The following KALRN variants were observed in gnomAD, a reference collection of about 807,000 sequenced individuals.
KALRN encodes the protein kalirin.
A neutral mutation model predicts 353.7 loss-of-function variants in KALRN; 70 were observed. The ratio of observed to expected loss-of-function variants is 0.20; its 90% CI spans 0.16 to 0.24. KALRN has a LOEUF of 0.24. KALRN is among the 10% of genes least tolerant of loss of function. The pLI is 1.00. For missense variants in KALRN, 2,791 were observed against 3,756.7 expected (o/e 0.74, Z 6.72); for synonymous variants, 1,391 against 1,434.8 (o/e 0.97, Z 0.69).
intron 3 of KALRN, among the ~76,000 whole-genome samples, chr3:124,253,069 G>A (rs1560367230): frequency 6.6e-6 from 1 of 152,334 alleles, no homozygotes; most frequent in Non-Finnish European, 1.5e-5. Flanking sequence ...AACACCTGCT[G>A]ATCTCTGGTG....
intron 45 of KALRN, 131 bp downstream of exon 45, chr3:124,662,059 C>G: frequency 1.4e-6 from 1 of 735,664 alleles, no homozygotes; most frequent in South Asian, 1.6e-5. Context: ...CCTTCCTACC[C>G]GGGCCCCTCT....
At chr3:124,368,243 A>G (rs1215456737) in intron 10 of KALRN, among the ~76,000 whole-genome samples, 1 of 116,922 alleles carries the variant, frequency 8.6e-6, no homozygotes, top group South Asian at 3.0e-4. Flanking sequence ...CGGGGGGCTG[A>G]CCCCCCCACC....
chr3:124,651,655 T>G (rs2083433686), intron 38 of KALRN, among the ~76,000 whole-genome samples: 2 of 118,870 alleles, frequency 1.7e-5, no homozygotes, highest in Non-Finnish European at 1.7e-5. Flanking sequence ...TTTTTTTTTT[T>G]GAGACAGGGT....
intron 57 of KALRN, among the ~76,000 whole-genome samples, chr3:124,704,530 T>C (rs566147197): frequency 4.1e-5 from 6 of 147,150 alleles, no homozygotes; most frequent in African/African-American, 1.6e-4. Flanking sequence ...AAATAATACA[T>C]GGAAATTCTT....
At chr3:124,484,724 G>T (rs749392757) in intron 28 of KALRN, among the ~76,000 whole-genome samples, 1 of 152,192 alleles carries the variant, frequency 6.6e-6, no homozygotes, top group Non-Finnish European at 1.5e-5. Context: ...GAATTTTGTG[G>T]TTGCTTACAG....
At chr3:124,320,705 G>A (rs2079242823) in intron 6 of KALRN, among the ~76,000 whole-genome samples, 1 of 152,184 alleles carries the variant, frequency 6.6e-6, no homozygotes, top group South Asian at 2.1e-4. Context: ...CTTAAGGTAT[G>A]GAAGGACATT....
Position 124,659,448 on chromosome 3 carries a change from G to C in KALRN, c.6207G>C (p.Leu2069Phe). The change falls in exon 43 of 60, where the codon TTG (leucine) becomes TTC (phenylalanine). Residue 2069 changes from leucine to phenylalanine, a missense_variant. Physicochemically the swap from Leu to Phe is conservative, Grantham distance 22. Around this residue, in one of 11 missense-constraint regions of KALRN, gnomAD observed 1,065 missense variants for 1,156.4 expected, o/e 0.92. Coordinates refer to ENST00000682506, the MANE Select transcript of KALRN (RefSeq NM_001388419.1). ...KPIQRITKYQLLLKDFLRYSE... is the reference protein window; with the variant it reads ...KPIQRITKYQFLLKDFLRYSE... ...TTCAGAGAATAACAAAATACCAGTT[G>C]CTCCTCAAGGTAAGAAGCTGGGAGC... 1.2e-6 allele frequency: 2 copies of C among 1,610,050 alleles called. No individual in the cohort carries two copies. Among genetic ancestry groups the C allele is most frequent in the Non-Finnish European group, 1.7e-6 (2 of 1,176,332 alleles).
At chr3:124,335,350 C>T (rs2081033251) in intron 9 of KALRN, among the ~76,000 whole-genome samples, 1 of 152,110 alleles carries the variant, frequency 6.6e-6, no homozygotes, top group South Asian at 2.1e-4. Flanking sequence ...TTATTCCTGA[C>T]TTTATGTAGT....
intron 1 of KALRN, among the ~76,000 whole-genome samples, chr3:124,192,693 T>C (rs937080148): frequency 1.3e-5 from 2 of 152,212 alleles, no homozygotes; most frequent in Non-Finnish European, 2.9e-5. Context: ...AAGGGGATAT[T>C]GTACCTACAA....
At chr3:124,190,247 A>T (rs1259773490) in intron 1 of KALRN, among the ~76,000 whole-genome samples, 2 of 152,132 alleles carry the variant, frequency 1.3e-5, no homozygotes, top group African/African-American at 4.8e-5. Context: ...ACAAGCAGGG[A>T]GCTTCGTATG....
intron 1 of KALRN, among the ~76,000 whole-genome samples, chr3:124,054,513 T>G (rs1367680600): frequency 6.6e-6 from 1 of 152,164 alleles, no homozygotes; most frequent in Non-Finnish European, 1.5e-5. Flanking sequence ...GTCCTGACAC[T>G]TCCCTGAAGC....
In KALRN at chr3:124,650,793, T is replaced by TG. The variant is rs11372663; in HGVS notation, c.5665-15_5665-14insG. The TG allele has an allele frequency of 3.9e-5, 63 of 1,610,910 alleles. No individual in the cohort carries two copies. Among genetic ancestry groups the TG allele is most frequent in the Non-Finnish European group, 5.0e-5 (59 of 1,177,710 alleles). On this transcript the variant is annotated splice_polypyrimidine_tract_variant and intron_variant, in intron 37 of 59. Coordinates refer to ENST00000682506, the MANE Select transcript of KALRN (RefSeq NM_001388419.1). ...CAAAGTACACTTCTCTAAGCCTGTT[T>TG]TTCTCTCTTTTCAGAGTCTAGAAGG...
chr3:124,409,748 C>T (rs1484225620), intron 13 of KALRN, among the ~76,000 whole-genome samples: 2 of 151,998 alleles, frequency 1.3e-5, no homozygotes, highest in East Asian at 1.9e-4. Context: ...CCTTATGCCC[C>T]AGAAAGAAGG....
rs768927927 is a variant in KALRN at position 124,264,651 on chromosome 3, A to G, written c.417A>G (p.Lys139=). The G allele has an allele frequency of 3.1e-6, 5 of 1,614,034 alleles. No individual in the cohort carries two copies. The East Asian group carries it at 1.1e-4, about 36-fold the overall frequency. ...LIIKPDNFWQ[K]QKTNFGSSKF... ...TTAAACCCGACAACTTCTGGCAGAA[A>G]CAGAAGACCAACTTTGGCAGCTCCA... Residue 139 remains lysine (K), a synonymous_variant, in exon 4 of 60, where the codon AAA becomes AAG. Transcript: ENST00000682506.
At chr3:124,427,885 T>C (rs1445625) in intron 15 of KALRN, among the ~76,000 whole-genome samples, 80,533 of 152,110 alleles carry the variant, frequency 0.53, 22,409 homozygotes, top group East Asian at 0.78. Context: ...TGATCAATGT[T>C]AATATTCATT....
chr3:124,594,516 G>A (rs776199751), intron 34 of KALRN, among the ~76,000 whole-genome samples: 14 of 152,176 alleles, frequency 9.2e-5, no homozygotes, highest in East Asian at 1.9e-4. Flanking sequence ...GAGCCACCGC[G>A]CCCAGCCTTC....
At chr3:124,287,493 G>A (rs139985046) in intron 5 of KALRN, among the ~76,000 whole-genome samples, 3 of 151,094 alleles carry the variant, frequency 2.0e-5, no homozygotes, top group Non-Finnish European at 2.9e-5. Flanking sequence ...CTACTTCTCC[G>A]CTCCACAGTT....
At chr3:124,675,518 C>CTTTTTTT (rs67279805) in intron 49 of KALRN, 1 of 114,624 alleles carries the variant, frequency 8.7e-6, no homozygotes, top group African/African-American at 2.8e-5. Flanking sequence ...TCCTCTTCTT[C>CTTTTTTT]TTTTTTTTTT....
intron 5 of KALRN, among the ~76,000 whole-genome samples, chr3:124,297,603 T>A (rs2076946204): frequency 6.6e-6 from 1 of 152,174 alleles, no homozygotes; most frequent in Non-Finnish European, 1.5e-5. Flanking sequence ...GAAGAGAAAC[T>A]GTAAGGGACA....
Sources: gnomAD v4.1 joint callset for allele counts (sites outside exome capture counted in the v4.1 genomes callset) on GRCh38, gnomAD v4.1.1 for gene constraint, gnomAD v4.1.1 regional missense constraint, MANE v1.5 for transcripts, NCBI Gene and HGNC (gene_info 2026-07-23, HGNC 2026-07-21) for gene names.